Variants in ALDH2 observed in about 807,000 individuals in gnomAD.
ALDH2 encodes the protein aldehyde dehydrogenase, mitochondrial.
A neutral mutation model predicts 59.6 loss-of-function variants in ALDH2; 44 were observed. That is an observed-to-expected ratio of 0.74 (90% CI 0.58 to 0.95). The LOEUF is 0.95. Ranked by LOEUF, ALDH2 falls within the 40% of genes least tolerant of loss-of-function variation. The probability of loss-of-function intolerance (pLI) is 0.00; values close to 1 mark genes in which losing one functional copy is unlikely to be tolerated. For missense variants in ALDH2, 570 were observed against 696.3 expected (o/e 0.82, Z 2.04); for synonymous variants, 291 against 284.0 (o/e 1.02, Z -0.25).
At chr12:111,792,807 C>A in intron 9 of ALDH2, 25 bp downstream of exon 9, 1 of 1,538,564 alleles carries the variant, frequency 6.5e-7, no homozygotes, top group South Asian at 1.2e-5. Context: ...GCCGCAGGGT[C>A]TGGGTGTCTA....
In ALDH2 at chr12:111,792,569, C is replaced by T. The variant is rs1387533607; in HGVS notation, c.899-29C>T. The T allele has an allele frequency of 2.5e-6, 4 of 1,600,538 alleles. No individual in the cohort carries two copies. The South Asian group carries it at 4.4e-5, about 18-fold the overall frequency. On this transcript the variant is annotated intron_variant, in intron 8 of 12. Transcript: ENST00000261733. ...GCCAGGGTCCTCCTCCTCACTGTCACCTTTCTGTCTCCTGCCCACTTCCCG... is the reference window on the plus strand; with the variant it reads ...GCCAGGGTCCTCCTCCTCACTGTCATCTTTCTGTCTCCTGCCCACTTCCCG...
intron 10 of ALDH2, among the ~76,000 whole-genome samples, chr12:111,799,611 C>T (rs2068432793): frequency 6.6e-6 from 1 of 152,118 alleles, no homozygotes; most frequent in South Asian, 2.1e-4. Flanking sequence ...GCCCAGCTGA[C>T]TTAAATTCTT....
intron 12 of ALDH2, among the ~76,000 whole-genome samples, chr12:111,804,983 T>C (rs910219209): frequency 6.6e-6 from 1 of 152,186 alleles, no homozygotes; most frequent in Non-Finnish European, 1.5e-5. Flanking sequence ...TATTCATCAC[T>C]GCTTTATCTC....
chr12:111,772,216 C>T (rs559449509), intron 1 of ALDH2, among the ~76,000 whole-genome samples: 19 of 152,268 alleles, frequency 1.2e-4, no homozygotes, highest in African/African-American at 3.1e-4. Context: ...TCACTGTTAA[C>T]GGTATATCTG....
chr12:111,785,696 C>T (rs965275083), intron 4 of ALDH2, among the ~76,000 whole-genome samples: 1 of 152,062 alleles, frequency 6.6e-6, no homozygotes, highest in East Asian at 1.9e-4. Context: ...TGCACTCCAG[C>T]CTAGGTGACA....
chr12:111,794,464 G>C (rs2068387228), intron 9 of ALDH2, among the ~76,000 whole-genome samples: 1 of 152,124 alleles, frequency 6.6e-6, no homozygotes, highest in African/African-American at 2.4e-5. Context: ...GTCTGAGGAT[G>C]GACTGGCCTT....
At chr12:111,780,185 C>A (rs1050954741) in intron 1 of ALDH2, among the ~76,000 whole-genome samples, 1 of 152,120 alleles carries the variant, frequency 6.6e-6, no homozygotes, top group Non-Finnish European at 1.5e-5. Context: ...GAACACCGCA[C>A]GCAGCCTCGC....
At chr12:111,804,108 AG>A in intron 12 of ALDH2, 135 bp downstream of exon 12, 1 of 552,016 alleles carries the variant, frequency 1.8e-6, no homozygotes. Flanking sequence ...CCGGGGACTC[AG>A]GGCCTGCTGG....
chr12:111,785,825 C>T (rs1311301008), intron 4 of ALDH2, among the ~76,000 whole-genome samples: 1 of 152,198 alleles, frequency 6.6e-6, no homozygotes, highest in African/African-American at 2.4e-5. Context: ...GAAAATCCTT[C>T]AATATCACAA....
At chr12:111,774,166 G>T (rs373787552) in intron 1 of ALDH2, among the ~76,000 whole-genome samples, 6 of 152,120 alleles carry the variant, frequency 3.9e-5, no homozygotes, top group African/African-American at 7.2e-5. Flanking sequence ...GCCCTGGGGT[G>T]GGGGAGTGGG....
chr12:111,781,229 G>T (rs996866925), intron 1 of ALDH2, among the ~76,000 whole-genome samples: 4 of 152,218 alleles, frequency 2.6e-5, no homozygotes, highest in African/African-American at 9.7e-5. Flanking sequence ...GGGAGAAGGG[G>T]AGGCTCTCTC....
chr12:111,807,231 CCAGCGTGGGAGA>C (rs1407696255), intron 12 of ALDH2, among the ~76,000 whole-genome samples: 1 of 152,000 alleles, frequency 6.6e-6, no homozygotes, highest in Admixed American at 6.6e-5. Flanking sequence ...CCACTGCACT[CCAGCGTGGGAGA>C]CAGAGCGAGA....
chr12:111,790,019 G>A, intron 5 of ALDH2, 85 bp downstream of exon 5: 1 of 1,336,342 alleles, frequency 7.5e-7, no homozygotes. Context: ...CTGGGGTGGT[G>A]TCGGAAGGCA....
intron 12 of ALDH2, among the ~76,000 whole-genome samples, chr12:111,804,734 G>A (rs1346902788): frequency 6.2e-5 from 9 of 145,840 alleles, no homozygotes; most frequent in Admixed American, 4.9e-4. Context: ...GCAACAGAGC[G>A]AGACTCCGTC....
At chr12:111,783,637 G>A (rs992844599) in intron 3 of ALDH2, among the ~76,000 whole-genome samples, 26 of 152,100 alleles carry the variant, frequency 1.7e-4, no homozygotes, top group Admixed American at 5.2e-4. Context: ...AGCCTCCCAA[G>A]TAGCTGGAAT....
rs199568597 is a variant in ALDH2, at chr12:111,809,296, AT to A, written c.1522-246del. Among the ~76,000 whole-genome samples, 1,451 of 152,296 alleles carry A rather than the reference AT, an allele frequency of 9.5e-3. 83 individuals are homozygous for A. Among genetic ancestry groups the A allele is most frequent in the Admixed American group, 0.087 (1,326 of 15,282 alleles). ...TAGTGACACCCCATCTCTAATAAAAATACAAAAAGTTAGCTGGGTGTTATGG... is the reference window on the plus strand; with the variant it reads ...TAGTGACACCCCATCTCTAATAAAAAACAAAAAGTTAGCTGGGTGTTATGG... On this transcript the variant is annotated intron_variant, in intron 12 of 12. Coordinates refer to ENST00000261733, the MANE Select transcript of ALDH2 (RefSeq NM_000690.4).
intron 1 of ALDH2, chr12:111,775,860 A>G (rs2068231094): frequency 4.1e-6 from 1 of 244,202 alleles, no homozygotes; most frequent in Non-Finnish European, 8.4e-6. Context: ...GTTCCTACCC[A>G]GCCCCCCACC....
intron 9 of ALDH2, among the ~76,000 whole-genome samples, chr12:111,797,006 C>T (rs934183072): frequency 1.3e-5 from 2 of 150,022 alleles, no homozygotes; most frequent in African/African-American, 2.5e-5. Flanking sequence ...GTTGCCAGAG[C>T]TGGAGTGCAA....
intron 12 of ALDH2, among the ~76,000 whole-genome samples, chr12:111,805,594 A>G (rs549645190): frequency 8.5e-5 from 13 of 152,280 alleles, no homozygotes. Flanking sequence ...AAGTGCTGGG[A>G]TTATAGGCAT....
Sources: gnomAD v4.1 joint callset for allele counts (sites outside exome capture counted in the v4.1 genomes callset) on GRCh38, gnomAD v4.1.1 for gene constraint, MANE v1.5 for transcripts, NCBI Gene and HGNC (gene_info 2026-07-23, HGNC 2026-07-21) for gene names.